Variants in SCAF11 observed in about 807,000 individuals in gnomAD.
SCAF11 encodes protein SCAF11.
SCAF11 carries 47 observed loss-of-function variants against 140.5 expected under a neutral mutation model. The ratio of observed to expected loss-of-function variants is 0.33; its 90% CI spans 0.26 to 0.43. SCAF11 has a LOEUF of 0.43. Ranked by LOEUF, SCAF11 falls within the 20% of genes least tolerant of loss-of-function variation. SCAF11 has a pLI of 1.00. For missense variants in SCAF11, 1,645 were observed against 1,705.1 expected (o/e 0.96, Z 0.62); for synonymous variants, 557 against 579.4 (o/e 0.96, Z 0.55).
intron 3 of SCAF11, chr12:45,960,734 T>C (rs1289603749): frequency 6.6e-6 from 1 of 152,132 alleles, no homozygotes; most frequent in Non-Finnish European, 1.5e-5. Context: ...AGAGTCACTA[T>C]ACAGTTACAT....
chr12:45,991,986 C>T (rs1208695489), upstream of SCAF11: 1 of 1,289,112 alleles, frequency 7.8e-7, no homozygotes, highest in Non-Finnish European at 1.0e-6. Flanking sequence ...TGACGCCTGC[C>T]CGGGATGAGT....
intron 10 of SCAF11, 83 bp downstream of exon 10, chr12:45,931,423 G>A (rs1181956200): frequency 4.5e-6 from 3 of 660,860 alleles, no homozygotes; most frequent in African/African-American, 1.9e-5. Flanking sequence ...GCTTTTCTAA[G>A]TCATCAAACA....
At chr12:45,953,864 G>A (rs892807583) in intron 3 of SCAF11, 4 of 1,014,946 alleles carry the variant, frequency 3.9e-6, no homozygotes, top group Admixed American at 2.6e-5. Context: ...ATTCCTAGAA[G>A]AAAGTGTGGC....
Position 45,964,177 on chromosome 12 carries a change from GA to G in SCAF11, c.-11del. The G allele has an allele frequency of 4.1e-6, 6 of 1,469,734 alleles. No individual in the cohort carries two copies. The highest frequency in any genetic ancestry group is 1.4e-5 in the African/African-American group (1 of 71,532). The allele number at this position is 1,469,734 out of a possible 1,614,324, so 91.0% of individuals were successfully genotyped here. On this transcript the variant is annotated 5_prime_UTR_variant, in exon 2 of 15. Transcript: ENST00000369367. ...CAGTTTTCTTCTTCATTTCTCTTTGGAAAAGGGTTTCCTATAAGATAAATTA... is the reference window on the plus strand; with the variant it reads ...CAGTTTTCTTCTTCATTTCTCTTTGGAAAGGGTTTCCTATAAGATAAATTA...
rs1388315674 is a variant in SCAF11, at chr12:45,927,185, G to A, written c.2516C>T (p.Ser839Leu). 1.2e-6 allele frequency: 2 copies of A among 1,613,890 alleles called. No individual in the cohort carries two copies. Among genetic ancestry groups the A allele is most frequent in the African/African-American group, 1.3e-5 (1 of 74,870 alleles). The change falls in exon 11 of 15, where the codon TCA becomes TTA. Residue 839 changes from serine to leucine, a missense_variant. Around this residue, in one of 2 missense-constraint regions of SCAF11, gnomAD observed 1,582 missense variants for 1,609.2 expected, o/e 0.98. Transcript: ENST00000369367. ...KSQSPSPKNE[S>L]ARGRKKSRSQ... ...ACGGGATTTTTTCCGGCCTCTGGCT[G>A]ACTCATTCTTAGGAGATGGTGATTG...
At chr12:45,940,654 ACTTT>A (rs1945273838) in intron 6 of SCAF11, among the ~76,000 whole-genome samples, 1 of 152,228 alleles carries the variant, frequency 6.6e-6, no homozygotes, top group African/African-American at 2.4e-5. Context: ...ATCTTTAGAA[ACTTT>A]CTAACAGATT....
chr12:45,924,429 G>A (rs929211295), intron 12 of SCAF11, among the ~76,000 whole-genome samples: 3 of 152,006 alleles, frequency 2.0e-5, no homozygotes, highest in East Asian at 3.9e-4. Context: ...CCCACCACTC[G>A]ATTCTAATTT....
chr12:45,980,133 C>T (rs995696790), intron 1 of SCAF11, among the ~76,000 whole-genome samples: 2 of 152,114 alleles, frequency 1.3e-5, no homozygotes, highest in Non-Finnish European at 2.9e-5. Context: ...TGCCCAAGAT[C>T]GAAAAGCCAG....
At chr12:45,976,693 A>G (rs1454984666) in intron 1 of SCAF11, among the ~76,000 whole-genome samples, 1 of 152,116 alleles carries the variant, frequency 6.6e-6, no homozygotes, top group Non-Finnish European at 1.5e-5. Context: ...AAACATATCC[A>G]TATTTAAAAT....
rs1363505688 is a variant in SCAF11 at position 45,927,817 on chromosome 12, C to T, written c.1884G>A (p.Lys628=). ...IIQTVDRQSV[K]SPEVQLLGHV... ...GCCCAAGCAATTGAACCTCTGGGCT[C>T]TTAACAGATTGTCTGTCCACTGTCT... is the stretch of plus-strand genomic sequence containing the variant. Residue 628 remains lysine, a synonymous_variant, in exon 11 of 15, where the codon AAG becomes AAA. Transcript: ENST00000369367. The T allele has an allele frequency of 6.2e-7, 1 of 1,613,880 alleles. No homozygotes were observed. The highest frequency in any genetic ancestry group is 1.3e-5 in the African/African-American group (1 of 74,912).
Position 45,961,716 on chromosome 12 carries a change from A to C in SCAF11, c.203T>G (p.Ile68Ser). 1 of 1,611,616 alleles carries C rather than the reference A, an allele frequency of 6.2e-7. No homozygotes were observed. The highest frequency in any genetic ancestry group is 2.2e-5 in the East Asian group (1 of 44,792). Residue 68 changes from isoleucine to serine, a missense_variant, in exon 3 of 15, where the codon ATT (isoleucine) becomes AGT (serine). Around this residue, in one of 2 missense-constraint regions of SCAF11, gnomAD observed 1,582 missense variants for 1,609.2 expected, o/e 0.98. Coordinates refer to ENST00000369367, the MANE Select transcript of SCAF11 (RefSeq NM_004719.3). ...CAGACTTACCTCTGCCCATTTAAGA[A>C]TACAAGTCATACAGAAGACATGATT... ...SCNHVFCMTCILKWAETLASC... is the reference protein window; with the variant it reads ...SCNHVFCMTCSLKWAETLASC...
intron 6 of SCAF11, among the ~76,000 whole-genome samples, chr12:45,940,972 T>C (rs964197553): frequency 2.6e-5 from 4 of 152,118 alleles, no homozygotes; most frequent in African/African-American, 9.7e-5. Flanking sequence ...ACTTGGCTAA[T>C]TTTTGTATTT....
At chr12:45,922,215 G>A (rs1944731716) in intron 14 of SCAF11, 21 bp from the exon 15 acceptor site, 1 of 1,581,444 alleles carries the variant, frequency 6.3e-7, no homozygotes, top group Non-Finnish European at 8.5e-7. Flanking sequence ...AGGGGTGGGG[G>A]GTAAACTTTT....
intron 3 of SCAF11, chr12:45,961,475 C>CT (rs1376401887): frequency 2.1e-5 from 12 of 578,736 alleles, no homozygotes; most frequent in Non-Finnish European, 3.4e-5. Context: ...AGGTTATTAA[C>CT]TTTTTTTAAA....
chr12:45,965,347 T>C (rs1945920769), intron 1 of SCAF11, among the ~76,000 whole-genome samples: 1 of 152,144 alleles, frequency 6.6e-6, no homozygotes. Flanking sequence ...GGTGAGCAAC[T>C]ACAGTGAAGG....
At position 45,969,386 on chromosome 12, in the gene SCAF11, C is replaced by T. The variant is rs530435429; in HGVS notation, c.-21-5198G>A. Reference sequence around the variant, plus strand: ...TTCTTTCTGCTGTTACAAAACAGAGCTCCTTTCCCTTCCAGTTCACTTCAA... The same window carrying T: ...TTCTTTCTGCTGTTACAAAACAGAGTTCCTTTCCCTTCCAGTTCACTTCAA... On this transcript the variant is annotated intron_variant, in intron 1 of 14. Coordinates refer to ENST00000369367, the MANE Select transcript of SCAF11 (RefSeq NM_004719.3). Among the ~76,000 whole-genome samples, 7 of 152,228 alleles carry T rather than the reference C, an allele frequency of 4.6e-5. No individual in the cohort carries two copies. The South Asian group carries it at 1.2e-3, about 27-fold the overall frequency.
rs531397031 is a variant in SCAF11, at chr12:45,967,884, G to C, written c.-21-3696C>G. 1.7e-4 allele frequency among the ~76,000 whole-genome samples: 26 copies of C among 152,238 alleles called. No homozygotes were observed. The South Asian group carries it at 5.0e-3, about 29-fold the overall frequency. ...TCCTGTTTATCTGTTCTATCTGCCT[G>C]GACTCCAGTTTTCAATCCAAGGATC... On this transcript the variant is annotated intron_variant, in intron 1 of 14. Coordinates refer to ENST00000369367, the MANE Select transcript of SCAF11 (RefSeq NM_004719.3).
Position 45,987,990 on chromosome 12 carries a change from A to G in SCAF11, c.-22+2363T>C, listed in dbSNP as rs116171367. On this transcript the variant is annotated intron_variant, in intron 1 of 14. Transcript: ENST00000369367. ...GACACAACTTAAAAAAATACAATGCAAAGATGAGTTTTGGGAATAGCAAGA... is the reference window on the plus strand; with the variant it reads ...GACACAACTTAAAAAAATACAATGCGAAGATGAGTTTTGGGAATAGCAAGA... Among the ~76,000 whole-genome samples the G allele has an allele frequency of 4.1e-3, 631 of 152,362 alleles. 6 individuals carry two copies. Among genetic ancestry groups the G allele is most frequent in the African/African-American group, 0.013 (550 of 41,582 alleles).
At chr12:45,969,742 GTGTT>G (rs1435712944) in intron 1 of SCAF11, among the ~76,000 whole-genome samples, 5 of 152,198 alleles carry the variant, frequency 3.3e-5, no homozygotes, top group African/African-American at 1.2e-4. Context: ...GTGAGTGTGT[GTGTT>G]TGTTTTAAGA....
Sources: allele counts gnomAD v4.1 joint callset (sites outside exome capture counted in the v4.1 genomes callset), GRCh38; gene constraint gnomAD v4.1.1; regional missense constraint gnomAD v4.1.1; transcripts MANE v1.5; gene names NCBI Gene and HGNC (gene_info 2026-07-23, HGNC 2026-07-21).